Variants in PARD3 observed in about 807,000 individuals in gnomAD.
PARD3 encodes partitioning defective 3 homolog.
In PARD3, 75 loss-of-function variants were observed where a neutral mutation model predicts 155.4. The ratio of observed to expected loss-of-function variants is 0.48; its 90% confidence interval spans 0.40 to 0.58. The LOEUF (loss-of-function observed/expected upper bound fraction) is 0.58. PARD3 is among the 20% of genes least tolerant of loss of function. The probability of loss-of-function intolerance (pLI) is 0.00; values close to 1 mark genes in which losing one functional copy is unlikely to be tolerated. For synonymous variants in PARD3, 576 were observed against 610.5 expected, an observed-to-expected ratio of 0.94 and a Z score of 0.83; for missense variants, 1,642 against 1,721.7, an observed-to-expected ratio of 0.95 and a Z score of 0.82.
chr10:34,155,713 ATATATT>A (rs1453783353), intron 22 of PARD3, among the ~76,000 whole-genome samples: 1 of 134,276 alleles, frequency 7.4e-6, no homozygotes, highest in Admixed American at 7.6e-5. Context: ...TGTGTAGCAT[ATATATT>A]TATATTAATT....
chr10:34,352,137 G>A (rs1271384489), intron 14 of PARD3, among the ~76,000 whole-genome samples: 1 of 152,144 alleles, frequency 6.6e-6, no homozygotes, highest in Non-Finnish European at 1.5e-5. Flanking sequence ...TAAAATGCCT[G>A]GAAGCTATGT....
intron 2 of PARD3, among the ~76,000 whole-genome samples, chr10:34,567,145 A>T (rs1006210500): frequency 2.0e-5 from 3 of 152,208 alleles, no homozygotes; most frequent in Non-Finnish European, 4.4e-5. Context: ...GGTTAATGAG[A>T]TCTTGTTGAG....
Position 34,768,209 on chromosome 10 carries a change from C to T in PARD3, c.120+46667G>A, listed in dbSNP as rs192401024. 1.7e-3 allele frequency among the ~76,000 whole-genome samples: 266 copies of T among 152,274 alleles called. 1 individual carries two copies. The highest frequency in any genetic ancestry group is 3.4e-3 in the Middle Eastern group (1 of 294). On this transcript the variant is annotated intron_variant, in intron 1 of 24. Transcript: ENST00000374788. Reference sequence around the variant, plus strand: ...GTTTATTTTGTCAAAGTTAAGGATGCACACCTGTGACACAGCCTCGGGAGG... The same window carrying T: ...GTTTATTTTGTCAAAGTTAAGGATGTACACCTGTGACACAGCCTCGGGAGG...
intron 17 of PARD3, among the ~76,000 whole-genome samples, chr10:34,336,520 C>T (rs928575826): frequency 2.6e-5 from 4 of 152,148 alleles, no homozygotes; most frequent in Non-Finnish European, 4.4e-5. Context: ...TTTCTTTATG[C>T]GTATGATAAA....
At chr10:34,152,456 G>A (rs1427784311) in intron 22 of PARD3, among the ~76,000 whole-genome samples, 5 of 152,184 alleles carry the variant, frequency 3.3e-5, no homozygotes. Flanking sequence ...TGGTATTTGT[G>A]TATCTAAATA....
intron 22 of PARD3, among the ~76,000 whole-genome samples, chr10:34,203,749 C>G (rs1951330325): frequency 6.6e-6 from 1 of 152,150 alleles, no homozygotes; most frequent in Non-Finnish European, 1.5e-5. Context: ...CCCATGAATG[C>G]AGAGGGCCGA....
rs571953535 is a variant in PARD3, at chr10:34,465,160, C to G, written c.582+4925G>C. On this transcript the variant is annotated intron_variant, in intron 4 of 24. Coordinates refer to ENST00000374788, the MANE Select transcript of PARD3 (RefSeq NM_001184785.2). ...TTCTACGTGTTCAGTACAGACACAA[C>G]CATTGTTTTTTTGTTGTTGTTCCAA... Among the ~76,000 whole-genome samples, 6 of 152,244 alleles carry G rather than the reference C, an allele frequency of 3.9e-5. No individual in the cohort carries two copies. The East Asian group carries it at 1.2e-3, about 29-fold the overall frequency.
rs537240489 is a variant in PARD3, at chr10:34,264,277, G to A, written c.3419+5380C>T. ...ATGTAAGTGTTCTGAGCATGTTTAAGGTAGGCTAGCTAACCCACGATGTTT... is the reference window on the plus strand; with the variant it reads ...ATGTAAGTGTTCTGAGCATGTTTAAAGTAGGCTAGCTAACCCACGATGTTT... On this transcript the variant is annotated intron_variant, in intron 22 of 24. Coordinates refer to ENST00000374788, the MANE Select transcript of PARD3 (RefSeq NM_001184785.2). 2.0e-5 allele frequency among the ~76,000 whole-genome samples: 3 copies of A among 152,272 alleles called. No homozygotes were observed. In the East Asian group the frequency reaches 5.8e-4, roughly 29 times the overall value.
chr10:34,529,176 C>T (rs2082670473), intron 2 of PARD3, among the ~76,000 whole-genome samples: 2 of 152,106 alleles, frequency 1.3e-5, no homozygotes, highest in African/African-American at 2.4e-5. Context: ...AATTGGGTGC[C>T]GTCCACACTT....
chr10:34,210,643 A>C (rs1348003691), intron 22 of PARD3, among the ~76,000 whole-genome samples: 2 of 152,302 alleles, frequency 1.3e-5, no homozygotes, highest in African/African-American at 4.8e-5. Flanking sequence ...GAAGGTGCTC[A>C]GACTATTCAA....
At chr10:34,492,350 C>T (rs1165706484) in intron 3 of PARD3, among the ~76,000 whole-genome samples, 4 of 152,128 alleles carry the variant, frequency 2.6e-5, no homozygotes, top group Non-Finnish European at 5.9e-5. Context: ...CACTTCAAAA[C>T]ACCGATTCAA....
intron 3 of PARD3, among the ~76,000 whole-genome samples, chr10:34,477,490 G>T (rs2078794387): frequency 6.6e-6 from 1 of 152,180 alleles, no homozygotes; most frequent in Non-Finnish European, 1.5e-5. Flanking sequence ...TTCATCACAA[G>T]ATCTGAAATT....
intron 1 of PARD3, among the ~76,000 whole-genome samples, chr10:34,761,613 C>T (rs1018363593): frequency 6.6e-6 from 1 of 152,128 alleles, no homozygotes; most frequent in Admixed American, 6.6e-5. Flanking sequence ...TGGCCTATTT[C>T]TTCTACTAAC....
chr10:34,295,868 G>A (rs1956884549), intron 20 of PARD3, among the ~76,000 whole-genome samples: 1 of 152,158 alleles, frequency 6.6e-6, no homozygotes, highest in Non-Finnish European at 1.5e-5. Flanking sequence ...GGAACTTAGT[G>A]AACAACATGA....
chr10:34,593,146 G>A (rs1298653486), intron 2 of PARD3, among the ~76,000 whole-genome samples: 1 of 152,162 alleles, frequency 6.6e-6, no homozygotes, highest in Non-Finnish European at 1.5e-5. Flanking sequence ...ATTGCAAAGT[G>A]ATAAAGGAGC....
intron 24 of PARD3, among the ~76,000 whole-genome samples, chr10:34,118,997 A>T (rs1946833278): frequency 6.6e-6 from 1 of 152,182 alleles, no homozygotes; most frequent in African/African-American, 2.4e-5. Context: ...AGACCCTTGC[A>T]GGCCTTTGTC....
At chr10:34,756,406 G>A (rs866257890) in intron 1 of PARD3, among the ~76,000 whole-genome samples, 17 of 146,068 alleles carry the variant, frequency 1.2e-4, no homozygotes, top group Admixed American at 1.0e-3. Context: ...GCCCGCCTCG[G>A]CCTCCCAAAG....
At chr10:34,148,962 T>C (rs1948651721) in intron 22 of PARD3, among the ~76,000 whole-genome samples, 1 of 152,194 alleles carries the variant, frequency 6.6e-6, no homozygotes, top group East Asian at 1.9e-4. Flanking sequence ...CTTTTAATTG[T>C]TGAATTTAAG....
At chr10:34,578,934 G>A (rs751855896) in intron 2 of PARD3, among the ~76,000 whole-genome samples, 11 of 152,216 alleles carry the variant, frequency 7.2e-5, no homozygotes, top group Non-Finnish European at 2.9e-5. Context: ...AGGGGAGCTA[G>A]ATAGCCTAAG....
Sources: allele counts gnomAD v4.1 joint callset (sites outside exome capture counted in the v4.1 genomes callset), GRCh38; gene constraint gnomAD v4.1.1; transcripts MANE v1.5; gene names NCBI Gene and HGNC (gene_info 2026-07-23, HGNC 2026-07-21).